The following SLC41A2 variants were observed in gnomAD, a reference collection of about 807,000 sequenced individuals.
SLC41A2 encodes SLC41A1-like 1.
SLC41A2 carries 32 observed loss-of-function variants against 58.3 expected under a neutral mutation model. The observed-to-expected ratio is 0.55, with a 90% CI of 0.41 to 0.74. SLC41A2 has a LOEUF of 0.74. SLC41A2 is among the 30% of genes least tolerant of loss of function. The pLI is 0.00. For synonymous variants in SLC41A2, 190 were observed against 235.0 expected, an observed-to-expected ratio of 0.81 and a Z score of 1.75; for missense variants, 514 against 680.6, an observed-to-expected ratio of 0.76 and a Z score of 2.72.
At chr12:104,913,319 C>T (rs568188943) in intron 2 of SLC41A2, among the ~76,000 whole-genome samples, 184 of 152,306 alleles carry the variant, frequency 1.2e-3, no homozygotes, top group Non-Finnish European at 1.7e-3. Flanking sequence ...CATTATACCC[C>T]TTTACCCTTG....
intron 6 of SLC41A2, among the ~76,000 whole-genome samples, chr12:104,885,642 A>T (rs1240419555): frequency 6.6e-6 from 1 of 152,174 alleles, no homozygotes. Context: ...AACACTCACA[A>T]ATCATATGTA....
intron 1 of SLC41A2, among the ~76,000 whole-genome samples, chr12:104,935,534 T>C (rs2047230454): frequency 6.6e-6 from 1 of 152,100 alleles, no homozygotes; most frequent in Admixed American, 6.5e-5. Context: ...GTACTGTCAA[T>C]AAAAATATCA....
At chr12:104,832,783 A>G (rs2042084336) in intron 10 of SLC41A2, among the ~76,000 whole-genome samples, 1 of 152,116 alleles carries the variant, frequency 6.6e-6, no homozygotes, top group Non-Finnish European at 1.5e-5. Flanking sequence ...CTAGAGAAAC[A>G]TACAGACTTG....
intron 2 of SLC41A2, among the ~76,000 whole-genome samples, chr12:104,925,027 A>G (rs1387842754): frequency 6.6e-6 from 1 of 152,152 alleles, no homozygotes; most frequent in East Asian, 1.9e-4. Flanking sequence ...TGCTTACCAG[A>G]AAATCAGATT....
intron 10 of SLC41A2, among the ~76,000 whole-genome samples, chr12:104,842,454 T>C (rs974886772): frequency 6.6e-6 from 1 of 152,158 alleles, no homozygotes; most frequent in African/African-American, 2.4e-5. Flanking sequence ...CAGTATAGTT[T>C]CCAGCTGTCC....
chr12:104,856,199 C>T (rs765318901), intron 8 of SLC41A2, among the ~76,000 whole-genome samples: 30 of 151,912 alleles, frequency 2.0e-4, no homozygotes, highest in Non-Finnish European at 2.8e-4. Flanking sequence ...AGAATAGAAG[C>T]TCAAGAGCAG....
chr12:104,901,642 C>T (rs1286321540), intron 3 of SLC41A2, among the ~76,000 whole-genome samples: 1 of 152,060 alleles, frequency 6.6e-6, no homozygotes, highest in Non-Finnish European at 1.5e-5. Context: ...CACCTCCTCC[C>T]AGGCTCAAGC....
intron 6 of SLC41A2, among the ~76,000 whole-genome samples, chr12:104,879,028 C>G (rs1474805040): frequency 6.6e-6 from 1 of 152,186 alleles, no homozygotes; most frequent in Non-Finnish European, 1.5e-5. Flanking sequence ...GATGGTATCT[C>G]ATTGTGGTTT....
intron 7 of SLC41A2, among the ~76,000 whole-genome samples, chr12:104,862,636 CT>C (rs962390896): frequency 2.7e-4 from 41 of 152,194 alleles, no homozygotes; most frequent in Middle Eastern, 3.4e-3. Context: ...GGCTTCTAGA[CT>C]TTTTTTAACT....
At chr12:104,823,723 T>C (rs2041731080) in intron 10 of SLC41A2, among the ~76,000 whole-genome samples, 2 of 152,176 alleles carry the variant, frequency 1.3e-5, no homozygotes, top group African/African-American at 2.4e-5. Context: ...TTTCTTAGGA[T>C]ATGAAAAGCA....
At chr12:104,858,949 G>C (rs1372933817) in intron 8 of SLC41A2, among the ~76,000 whole-genome samples, 1 of 152,032 alleles carries the variant, frequency 6.6e-6, no homozygotes, top group Non-Finnish European at 1.5e-5. Context: ...ATAATAAAAG[G>C]GTTATTGTAA....
intron 8 of SLC41A2, among the ~76,000 whole-genome samples, chr12:104,857,026 CAATAT>C (rs1037244168): frequency 4.9e-4 from 74 of 152,006 alleles, no homozygotes; most frequent in African/African-American, 1.8e-3. Context: ...AAAATAATAA[CAATAT>C]ATTACAGGAT....
At chr12:104,881,612 T>A (rs1030007070) in intron 6 of SLC41A2, among the ~76,000 whole-genome samples, 2 of 152,216 alleles carry the variant, frequency 1.3e-5, no homozygotes, top group Admixed American at 6.5e-5. Flanking sequence ...TCAGTTTCCA[T>A]GTAGTTGTGC....
intron 1 of SLC41A2, among the ~76,000 whole-genome samples, chr12:104,947,041 TATC>T (rs1226432101): frequency 2.6e-5 from 4 of 152,136 alleles, no homozygotes; most frequent in Non-Finnish European, 5.9e-5. Context: ...TAGCTAATAT[TATC>T]ATTATTCATC....
intron 10 of SLC41A2, among the ~76,000 whole-genome samples, chr12:104,810,485 C>T (rs2041125526): frequency 6.6e-6 from 1 of 152,026 alleles, no homozygotes; most frequent in African/African-American, 2.4e-5. Context: ...TTATATGATA[C>T]ATACACCATT....
At chr12:104,879,358 G>A (rs990253027) in intron 6 of SLC41A2, among the ~76,000 whole-genome samples, 2 of 152,138 alleles carry the variant, frequency 1.3e-5, no homozygotes, top group Non-Finnish European at 2.9e-5. Context: ...CATTGCTTTT[G>A]GTGTTTTAGT....
At chr12:104,851,555 A>G (rs560766103) in intron 8 of SLC41A2, among the ~76,000 whole-genome samples, 1 of 151,784 alleles carries the variant, frequency 6.6e-6, no homozygotes, top group Admixed American at 6.6e-5. Context: ...AGCTAATTTT[A>G]AAAAAAATTT....
intron 10 of SLC41A2, among the ~76,000 whole-genome samples, chr12:104,840,056 G>T (rs1339990089): frequency 3.9e-5 from 6 of 152,140 alleles, no homozygotes; most frequent in Non-Finnish European, 5.9e-5. Context: ...GGTTTATTAT[G>T]CTGTCAAGGG....
chr12:104,907,688 C>T (rs1225200315), intron 3 of SLC41A2, among the ~76,000 whole-genome samples: 1 of 152,112 alleles, frequency 6.6e-6, no homozygotes, highest in East Asian at 1.9e-4. Flanking sequence ...TGGAATGTGA[C>T]TTATTCCACT....
Sources: gnomAD v4.1 joint callset for allele counts (sites outside exome capture counted in the v4.1 genomes callset) on GRCh38, gnomAD v4.1.1 for gene constraint, MANE v1.5 for transcripts, NCBI Gene and HGNC (gene_info 2026-07-23, HGNC 2026-07-21) for gene names.